The following TLN2 variants were observed in gnomAD, a reference collection of about 807,000 sequenced individuals.
TLN2 encodes talin 2.
A neutral mutation model predicts 294.7 loss-of-function variants in TLN2; 118 were observed. The observed-to-expected ratio is 0.40, with a 90% CI of 0.34 to 0.47. The LOEUF (loss-of-function observed/expected upper bound fraction) is 0.47, where lower values mean the gene tolerates loss of function less well. Ranked by LOEUF, TLN2 falls within the 20% of genes least tolerant of loss-of-function variation. TLN2 has a pLI of 0.84. For missense variants in TLN2, 3,083 were observed against 3,282.2 expected (o/e 0.94, Z 1.48); for synonymous variants, 1,431 against 1,304.5 (o/e 1.10, Z -2.09).
intron 1 of TLN2, among the ~76,000 whole-genome samples, chr15:62,529,321 T>C (rs2040911820): frequency 6.6e-6 from 1 of 152,132 alleles, no homozygotes; most frequent in Admixed American, 6.5e-5. Flanking sequence ...CTCGAACTCC[T>C]GGACTCAGGC....
intron 44 of TLN2, among the ~76,000 whole-genome samples, chr15:62,782,840 G>T (rs1310583140): frequency 6.6e-6 from 1 of 152,186 alleles, no homozygotes; most frequent in African/African-American, 2.4e-5. Context: ...TAAAATCAAG[G>T]TCTTAAAAGG....
chr15:62,527,935 C>A (rs4522368), intron 1 of TLN2, among the ~76,000 whole-genome samples: 1 of 151,978 alleles, frequency 6.6e-6, no homozygotes, highest in African/African-American at 2.4e-5. Flanking sequence ...AAGTTTATGA[C>A]TTTTCCAGAT....
intron 11 of TLN2, among the ~76,000 whole-genome samples, chr15:62,685,997 T>C (rs533770905): frequency 6.6e-6 from 1 of 150,746 alleles, no homozygotes; most frequent in Non-Finnish European, 1.5e-5. Context: ...TCCTAAATTA[T>C]TAATCTGTCT....
At chr15:62,409,066 C>T (rs2033607518) in intron 1 of TLN2, among the ~76,000 whole-genome samples, 1 of 151,894 alleles carries the variant, frequency 6.6e-6, no homozygotes, top group African/African-American at 2.4e-5. Context: ...TAACCTCTGC[C>T]CTCCAGGTTC....
intron 41 of TLN2, among the ~76,000 whole-genome samples, chr15:62,768,951 G>A (rs780243560): frequency 3.3e-5 from 5 of 152,202 alleles, no homozygotes; most frequent in Non-Finnish European, 5.9e-5. Context: ...GGAACAATTA[G>A]CTAAATATTT....
Position 62,753,920 on chromosome 15 carries a change from A to T in TLN2, c.4476+4A>T. The T allele has an allele frequency of 1.9e-6, 3 of 1,589,208 alleles. No homozygotes were observed. The highest frequency in any genetic ancestry group is 2.6e-6 in the Non-Finnish European group (3 of 1,167,104). On this transcript the variant is annotated splice_donor_region_variant and intron_variant, in intron 36 of 58. Transcript: ENST00000636159. ...CCCTGGCAGCAGCCCATCACAGGTA[A>T]CTGTTGGGGAGGATGTAAGATTTCA...
chr15:62,459,832 G>A (rs994406960), intron 1 of TLN2, among the ~76,000 whole-genome samples: 1 of 151,998 alleles, frequency 6.6e-6, no homozygotes, highest in South Asian at 2.1e-4. Context: ...AAGCTTTGGG[G>A]TGAGCCAAAG....
At chr15:62,432,232 A>G (rs370469114) in intron 1 of TLN2, among the ~76,000 whole-genome samples, 6 of 152,154 alleles carry the variant, frequency 3.9e-5, no homozygotes, top group East Asian at 3.8e-4. Context: ...CCTCTAATTG[A>G]AGACAAAATG....
intron 25 of TLN2, among the ~76,000 whole-genome samples, chr15:62,721,054 C>T (rs1416431178): frequency 2.0e-5 from 3 of 152,128 alleles, no homozygotes; most frequent in Non-Finnish European, 2.9e-5. Context: ...AAGATAGAGC[C>T]GTGTAGATGT....
chr15:62,748,736 G>A (rs1392949223), intron 33 of TLN2, among the ~76,000 whole-genome samples: 1 of 152,212 alleles, frequency 6.6e-6, no homozygotes, highest in Non-Finnish European at 1.5e-5. Flanking sequence ...ACAGGAAGAG[G>A]CCTGTGATGT....
At chr15:62,421,200 C>T (rs909722815) in intron 1 of TLN2, among the ~76,000 whole-genome samples, 2 of 152,116 alleles carry the variant, frequency 1.3e-5, no homozygotes, top group Non-Finnish European at 2.9e-5. Flanking sequence ...AGCATTCCGA[C>T]CCTCAGTTTG....
intron 2 of TLN2, among the ~76,000 whole-genome samples, chr15:62,617,773 A>G (rs964033910): frequency 6.6e-6 from 1 of 152,168 alleles, no homozygotes; most frequent in African/African-American, 2.4e-5. Flanking sequence ...GAGGAGAAGG[A>G]TGTTAGTGCT....
At chr15:62,471,344 C>T (rs759215199) in intron 1 of TLN2, among the ~76,000 whole-genome samples, 8 of 152,132 alleles carry the variant, frequency 5.3e-5, no homozygotes, top group Non-Finnish European at 1.0e-4. Flanking sequence ...GATCCTTCCT[C>T]AAAACAAAAC....
rs546738538 is a variant in TLN2 at position 62,819,728 on chromosome 15, G to A, written c.6877+107G>A. 5 of 934,326 alleles carry A rather than the reference G, an allele frequency of 5.4e-6. No homozygotes were observed. The South Asian group carries it at 7.9e-5, about 15-fold the overall frequency. The allele number at this position is 934,326 out of a possible 1,614,324, so 57.9% of individuals were successfully genotyped here. A position where few individuals can be genotyped will look rare whatever the true frequency, so the allele number is the denominator to read the frequency against. On this transcript the variant is annotated intron_variant, in intron 53 of 58. Transcript: ENST00000636159. ...AGACGGCAATGGCCTTTAGCTGGCA[G>A]ATGCAGCCAGGAATACAGTGAGGAC...
chr15:62,468,215 A>G (rs1273692516), intron 1 of TLN2, among the ~76,000 whole-genome samples: 2 of 152,174 alleles, frequency 1.3e-5, no homozygotes, highest in Non-Finnish European at 2.9e-5. Context: ...GAGCTTAAGC[A>G]TTGCCACCTA....
Position 62,717,456 on chromosome 15 carries a change from C to T in TLN2, c.2764-120C>T, listed in dbSNP as rs2059851615. On this transcript the variant is annotated intron_variant, in intron 23 of 58. Transcript: ENST00000636159. ...CATCACTGGTTTTAAAAGGCAAAGC[C>T]TGCTCTTTGGAGTTCTTTTAGAGCC... 6 of 545,356 alleles carry T rather than the reference C, an allele frequency of 1.1e-5. No individual in the cohort carries two copies. The Admixed American group carries it at 1.3e-4, about 11-fold the overall frequency. The allele number at this position is 545,356 out of a possible 1,614,324, so 33.8% of individuals were successfully genotyped here. A position where few individuals can be genotyped will look rare whatever the true frequency, so the allele number is the denominator to read the frequency against.
rs118064980 is a variant in TLN2, at chr15:62,730,474, G to A, written c.3358+3285G>A. ...CTTCGTTCCTTCTGCGTCTCCAGGA[G>A]CTTTCATTAGGGATCATTTCTCTTC... On this transcript the variant is annotated intron_variant, in intron 28 of 58. Transcript: ENST00000636159. Among the ~76,000 whole-genome samples the A allele has an allele frequency of 6.4e-4, 98 of 152,210 alleles. 1 individual carries two copies. The East Asian group carries it at 0.015, about 24-fold the overall frequency.
chr15:62,585,023 T>A (rs771036469), intron 1 of TLN2, among the ~76,000 whole-genome samples: 1 of 152,226 alleles, frequency 6.6e-6, no homozygotes, highest in Admixed American at 6.5e-5. Context: ...GCAGTTGATG[T>A]CAGGGCAAAG....
At chr15:62,520,541 T>C (rs1415809651) in intron 1 of TLN2, among the ~76,000 whole-genome samples, 1 of 152,162 alleles carries the variant, frequency 6.6e-6, no homozygotes, top group Non-Finnish European at 1.5e-5. Context: ...GAATACAGAA[T>C]TGTGAATAGG....
Sources: allele counts gnomAD v4.1 joint callset (sites outside exome capture counted in the v4.1 genomes callset), GRCh38; gene constraint gnomAD v4.1.1; transcripts MANE v1.5; gene names NCBI Gene and HGNC (gene_info 2026-07-23, HGNC 2026-07-21).